CSMD1: variants seen among roughly 807,000 people sequenced by gnomAD.
The protein encoded by CSMD1 is CUB and Sushi multiple domains 1.
A neutral mutation model predicts 417.5 loss-of-function variants in CSMD1; 213 were observed. The ratio of observed to expected loss-of-function variants is 0.51; its 90% confidence interval spans 0.46 to 0.57. CSMD1 has a LOEUF of 0.57. Ranked by LOEUF, CSMD1 falls within the 20% of genes least tolerant of loss-of-function variation. The pLI is 0.00. For synonymous variants in CSMD1, 2,862 were observed against 1,736.8 expected, an observed-to-expected ratio of 1.65 and a Z score of -16.11; for missense variants, 6,923 against 4,529.7, an observed-to-expected ratio of 1.53 and a Z score of -15.17.
rs528103665 is a variant in CSMD1 at position 4,143,767 on chromosome 8, C to T, written c.416-111668G>A. ...GGGGGGATTTATTAAAGCCAGAAAG[C>T]ACTTCACAGGGTGGGAGGGGGCCCA... On this transcript the variant is annotated intron_variant, in intron 3 of 69. Coordinates refer to ENST00000635120, the MANE Select transcript of CSMD1 (RefSeq NM_033225.6). Among the ~76,000 whole-genome samples the T allele has an allele frequency of 1.5e-4, 23 of 151,330 alleles. No individual in the cohort carries two copies. In the East Asian group the frequency reaches 4.1e-3, roughly 27 times the overall value.
chr8:3,753,541 A>G (rs959803299), intron 6 of CSMD1, among the ~76,000 whole-genome samples: 7 of 152,226 alleles, frequency 4.6e-5, no homozygotes, highest in Non-Finnish European at 1.0e-4. Context: ...TAAAAGTGAT[A>G]TTACAATACT....
chr8:4,012,207 G>A (rs188510097), intron 4 of CSMD1, among the ~76,000 whole-genome samples: 1 of 152,048 alleles, frequency 6.6e-6, no homozygotes, highest in Admixed American at 6.5e-5. Flanking sequence ...ATGATTCTAT[G>A]CCGTTTTACT....
chr8:4,102,400 C>G (rs1251099226), intron 3 of CSMD1, among the ~76,000 whole-genome samples: 4 of 152,122 alleles, frequency 2.6e-5, no homozygotes, highest in Non-Finnish European at 4.4e-5. Context: ...AGGTTAACCC[C>G]TCTGGAGAAT....
At chr8:3,716,556 C>G (rs999965160) in intron 6 of CSMD1, among the ~76,000 whole-genome samples, 3 of 152,092 alleles carry the variant, frequency 2.0e-5, no homozygotes, top group Non-Finnish European at 4.4e-5. Flanking sequence ...CACTCTCGTC[C>G]CCGTCTTGGT....
At chr8:3,884,307 C>G (rs2627364) in intron 5 of CSMD1, among the ~76,000 whole-genome samples, 38,130 of 152,104 alleles carry the variant, frequency 0.25, 6,000 homozygotes, top group African/African-American at 0.45. Context: ...TTATATAAAA[C>G]ATTATATGTG....
chr8:4,779,472 ATT>A (rs138685028), intron 1 of CSMD1, among the ~76,000 whole-genome samples: 1 of 151,948 alleles, frequency 6.6e-6, no homozygotes, highest in Non-Finnish European at 1.5e-5. Context: ...TCATTAATTT[ATT>A]TTTTTCTTAT....
chr8:3,341,488 T>G (rs1585025203), intron 23 of CSMD1, among the ~76,000 whole-genome samples: 1 of 152,276 alleles, frequency 6.6e-6, no homozygotes, highest in African/African-American at 2.4e-5. Flanking sequence ...TTACTAGGGT[T>G]GGAAACGTAA....
At chr8:4,282,413 G>C (rs1054405392) in intron 3 of CSMD1, among the ~76,000 whole-genome samples, 4 of 152,138 alleles carry the variant, frequency 2.6e-5, no homozygotes, top group Admixed American at 2.6e-4. Context: ...AACATCCCAA[G>C]GATGTCCTCT....
At chr8:3,995,833 A>T in intron 5 of CSMD1, among the ~76,000 whole-genome samples, 1 of 152,204 alleles carries the variant, frequency 6.6e-6, no homozygotes, top group East Asian at 1.9e-4. Flanking sequence ...CTAACAGGCA[A>T]CAGAGTTTAT....
intron 33 of CSMD1, among the ~76,000 whole-genome samples, chr8:3,190,812 A>G (rs1796374827): frequency 6.6e-6 from 1 of 152,242 alleles, no homozygotes; most frequent in Non-Finnish European, 1.5e-5. Context: ...TTGTAATAAC[A>G]CGGATGAACC....
chr8:4,049,674 G>C (rs534293021), intron 3 of CSMD1, among the ~76,000 whole-genome samples: 1 of 152,188 alleles, frequency 6.6e-6, no homozygotes, highest in South Asian at 2.1e-4. Flanking sequence ...CATAGGTATA[G>C]ATATTTTTAT....
intron 3 of CSMD1, among the ~76,000 whole-genome samples, chr8:4,236,041 T>TTGG (rs1563316624): frequency 4.9e-4 from 15 of 30,752 alleles, no homozygotes; most frequent in Admixed American, 9.7e-4. Context: ...TTTTGTTTGT[T>TTGG]TTTTTTTTTT....
chr8:3,931,417 T>G (rs916232755), intron 5 of CSMD1, among the ~76,000 whole-genome samples: 4 of 150,480 alleles, frequency 2.7e-5, no homozygotes, highest in Non-Finnish European at 4.4e-5. Context: ...CTGGGTATTG[T>G]GGAAAAAAAA....
At chr8:3,490,572 T>C (rs2117287281) in intron 11 of CSMD1, among the ~76,000 whole-genome samples, 1 of 152,276 alleles carries the variant, frequency 6.6e-6, no homozygotes, top group Middle Eastern at 3.4e-3. Context: ...TTGCATGCAT[T>C]ATTTCATTTT....
At chr8:3,275,455 C>T (rs1431061264) in intron 26 of CSMD1, among the ~76,000 whole-genome samples, 1 of 152,096 alleles carries the variant, frequency 6.6e-6, no homozygotes, top group Non-Finnish European at 1.5e-5. Context: ...CTCTGTATTT[C>T]CTGAATGTGA....
intron 3 of CSMD1, among the ~76,000 whole-genome samples, chr8:4,417,390 C>G (rs1000208599): frequency 2.0e-5 from 3 of 152,052 alleles, no homozygotes; most frequent in African/African-American, 4.8e-5. Context: ...TATGTTTATT[C>G]CCAAGGTTAT....
At chr8:3,637,359 G>C (rs140365812) in intron 7 of CSMD1, among the ~76,000 whole-genome samples, 15 of 152,094 alleles carry the variant, frequency 9.9e-5, no homozygotes, top group Admixed American at 9.2e-4. Context: ...TTATGAGTTT[G>C]GGCAACATAA....
intron 3 of CSMD1, among the ~76,000 whole-genome samples, chr8:4,081,816 G>A (rs575929839): frequency 6.6e-6 from 1 of 151,176 alleles, no homozygotes; most frequent in Non-Finnish European, 1.5e-5. Flanking sequence ...CAAATAAATT[G>A]TTACAAATAA....
intron 1 of CSMD1, among the ~76,000 whole-genome samples, chr8:4,950,865 G>C (rs184214258): frequency 3.9e-5 from 6 of 151,934 alleles, no homozygotes; most frequent in Non-Finnish European, 4.4e-5. Context: ...CCCTACCTTG[G>C]CTTAAGAAAA....
Sources: allele counts gnomAD v4.1 joint callset (sites outside exome capture counted in the v4.1 genomes callset), GRCh38; gene constraint gnomAD v4.1.1; transcripts MANE v1.5; gene names NCBI Gene and HGNC (gene_info 2026-07-23, HGNC 2026-07-21).